The following RBM4B variants were observed in gnomAD, a reference collection of about 807,000 sequenced individuals.
RBM4B encodes RNA-binding protein 4B.
RBM4B carries 13 observed loss-of-function variants against 28.5 expected under a neutral mutation model. That is an observed-to-expected ratio of 0.46 (90% CI 0.30 to 0.72). RBM4B has a LOEUF of 0.72. Ranked by LOEUF, RBM4B falls within the 30% of genes least tolerant of loss-of-function variation. The pLI, the probability that RBM4B is intolerant of heterozygous loss-of-function variation, is 0.09. For synonymous variants in RBM4B, 167 were observed against 179.1 expected, an observed-to-expected ratio of 0.93 and a Z score of 0.54; for missense variants, 387 against 477.6, an observed-to-expected ratio of 0.81 and a Z score of 1.77.
At chr11:66,674,753 A>G (rs1939589939) in intron 2 of RBM4B, among the ~76,000 whole-genome samples, 1 of 151,404 alleles carries the variant, frequency 6.6e-6, no homozygotes, top group Non-Finnish European at 1.5e-5. Flanking sequence ...TATTTTTAGT[A>G]GAGATGGGAT....
At chr11:66,677,191 A>G in intron 1 of RBM4B, 100 bp from the exon 2 acceptor site, 2 of 1,384,542 alleles carry the variant, frequency 1.4e-6, no homozygotes. Context: ...TTGCACCTTC[A>G]AGACCCTCGT....
intron 1 of RBM4B, chr11:66,677,462 T>C (rs910954464): frequency 3.9e-5 from 10 of 254,948 alleles, no homozygotes; most frequent in Non-Finnish European, 7.6e-5. Flanking sequence ...TCTGTGTACC[T>C]CTCCTGCGCG....
In RBM4B at chr11:66,677,183, G is replaced by C. The variant is rs188717615; in HGVS notation, c.-12-92C>G. ...TTTCGTCTAATCCTCCAAAGTTCTT[G>C]CACCTTCAAGACCCTCGTACAGACA... On this transcript the variant is annotated intron_variant, in intron 1 of 3. Coordinates refer to ENST00000310046, the MANE Select transcript of RBM4B (RefSeq NM_031492.4). 4.3e-5 allele frequency: 62 copies of C among 1,436,594 alleles called. No individual in the cohort carries two copies. The African/African-American group carries it at 7.7e-4, about 18-fold the overall frequency. The allele number at this position is 1,436,594 out of a possible 1,614,324, so 89.0% of individuals were successfully genotyped here.
intron 1 of RBM4B, 122 bp from the exon 2 acceptor site, chr11:66,677,213 T>C (rs1939667440): frequency 8.1e-7 from 1 of 1,227,080 alleles, no homozygotes; most frequent in East Asian, 2.4e-5. Context: ...CAGACATTCA[T>C]TATTCTTCCT....
intron 3 of RBM4B, chr11:66,666,475 G>A: frequency 1.0e-6 from 1 of 985,578 alleles, no homozygotes; most frequent in Non-Finnish European, 1.2e-6. Context: ...GGGTTATTCA[G>A]TCCATTTGAG....
chr11:66,672,505 T>G (rs376449477), intron 2 of RBM4B, among the ~76,000 whole-genome samples: 7,500 of 135,388 alleles, frequency 0.055, 238 homozygotes, highest in East Asian at 0.11. Flanking sequence ...TTAATTTTTT[T>G]GGGGGGGGGG....
At chr11:66,675,515 AC>A (rs975351261) in intron 2 of RBM4B, 1 of 152,152 alleles carries the variant, frequency 6.6e-6, no homozygotes, top group African/African-American at 2.4e-5. Flanking sequence ...AAACTTTCTT[AC>A]CCTTCTCTGG....
At chr11:66,673,454 G>T (rs1939533997) in intron 2 of RBM4B, among the ~76,000 whole-genome samples, 1 of 152,154 alleles carries the variant, frequency 6.6e-6, no homozygotes, top group African/African-American at 2.4e-5. Context: ...TGTTCAAGTG[G>T]CACTTTTTTG....
intron 2 of RBM4B, among the ~76,000 whole-genome samples, chr11:66,671,846 T>C (rs1234767375): frequency 6.6e-6 from 1 of 152,128 alleles, no homozygotes; most frequent in Non-Finnish European, 1.5e-5. Flanking sequence ...GTTCAAGCAA[T>C]TCCCTGCCTC....
At chr11:66,667,460 G>GA (rs1217426239) in intron 3 of RBM4B, 1 of 152,128 alleles carries the variant, frequency 6.6e-6, no homozygotes, top group Non-Finnish European at 1.5e-5. Flanking sequence ...GAAGAAACAG[G>GA]AAGCATCCAG....
intron 2 of RBM4B, 83 bp from the exon 3 acceptor site, chr11:66,669,374 T>TTGTC: frequency 7.4e-7 from 1 of 1,357,164 alleles, no homozygotes; most frequent in East Asian, 2.3e-5. Context: ...AGTAAATTAG[T>TTGTC]TGTCATAAGA....
At chr11:66,674,186 T>C (rs913267310) in intron 2 of RBM4B, among the ~76,000 whole-genome samples, 4 of 151,762 alleles carry the variant, frequency 2.6e-5, no homozygotes, top group Non-Finnish European at 2.9e-5. Flanking sequence ...TCTTTTTTTT[T>C]TTTTTTTATT....
intron 2 of RBM4B, among the ~76,000 whole-genome samples, chr11:66,673,144 C>A (rs1316563197): frequency 2.6e-5 from 4 of 151,184 alleles, no homozygotes; most frequent in Admixed American, 2.6e-4. Flanking sequence ...GTAGCTAATA[C>A]AGAGTAGTAT....
chr11:66,677,703 G>T, intron 1 of RBM4B, 61 bp downstream of exon 1: 1 of 152,862 alleles, frequency 6.5e-6, no homozygotes, highest in South Asian at 2.0e-4. Context: ...GCAGTCTGCC[G>T]GAGGCCCGGC....
Position 66,668,665 on chromosome 11 carries a change from G to T in RBM4B, c.1039C>A (p.Arg347=), listed in dbSNP as rs759274499. 3 of 1,613,656 alleles carry T rather than the reference G, an allele frequency of 1.9e-6. No homozygotes were observed. In the Admixed American group the frequency reaches 5.0e-5, roughly 27 times the overall value. ...CGGGCTCGGTCCACATACTGCTCCC[G>T]TTCATACCGGGCCATGTCATACAGA... ...NSLYDMARYE[R]EQYVDRARYS... is the part of the protein sequence containing the mutation. Residue 347 remains arginine, a synonymous_variant, in exon 3 of 4, where the codon CGG becomes AGG. Coordinates refer to ENST00000310046, the MANE Select transcript of RBM4B (RefSeq NM_031492.4).
chr11:66,674,864 C>T (rs1227855879), intron 2 of RBM4B, among the ~76,000 whole-genome samples: 1 of 152,154 alleles, frequency 6.6e-6, no homozygotes, highest in Non-Finnish European at 1.5e-5. Context: ...GGCACCGCAC[C>T]CTGCCTGTAT....
At position 66,668,896 on chromosome 11, in the gene RBM4B, G is replaced by T; in HGVS notation, c.808C>A (p.Pro270Thr). 1 of 1,614,212 alleles carries T rather than the reference G, an allele frequency of 6.2e-7. No homozygotes were observed. The highest frequency in any genetic ancestry group is 8.5e-7 in the Non-Finnish European group (1 of 1,180,046). The change falls in exon 3 of 4, where the codon CCC becomes ACC. Residue 270 changes from proline (P) to threonine (T), a missense_variant. By Grantham distance (38) the Pro-to-Thr change is conservative. Transcript: ENST00000310046. ...TSHLNSTSVD[P>T]YDRHLLPNSG... ...TTTGGCAATAGGTGTCTGTCATAGGGATCAACAGAAGTAGAGTTGAGGTGG... is the reference window on the plus strand; with the variant it reads ...TTTGGCAATAGGTGTCTGTCATAGGTATCAACAGAAGTAGAGTTGAGGTGG...
chr11:66,668,368 T>C, intron 3 of RBM4B: 1 of 453,896 alleles, frequency 2.2e-6, no homozygotes, highest in East Asian at 3.4e-5. Context: ...TAAAGAATGT[T>C]CTCACTAACA....
intron 2 of RBM4B, among the ~76,000 whole-genome samples, chr11:66,675,255 T>G (rs920021659): frequency 7.9e-5 from 12 of 152,230 alleles, no homozygotes; most frequent in African/African-American, 2.7e-4. Context: ...ATCGATTTCT[T>G]CATTCTAGCC....
Sources: gnomAD v4.1 joint callset for allele counts (sites outside exome capture counted in the v4.1 genomes callset) on GRCh38, gnomAD v4.1.1 for gene constraint, MANE v1.5 for transcripts, NCBI Gene and HGNC (gene_info 2026-07-23, HGNC 2026-07-21) for gene names.